EIF2S2: variants seen among roughly 807,000 people sequenced by gnomAD.
EIF2S2 encodes eukaryotic translation initiation factor 2 subunit beta.
A neutral mutation model predicts 44.0 loss-of-function variants in EIF2S2; 4 were observed. That is an observed-to-expected ratio of 0.09 (90% CI 0.04 to 0.21). The LOEUF is 0.21. Among genes scored for constraint, EIF2S2 ranks in the 10% least tolerant of loss-of-function variants. EIF2S2 has a pLI of 1.00. For synonymous variants in EIF2S2, 108 were observed against 128.3 expected (o/e 0.84, Z 1.07); for missense variants, 154 against 392.0 (o/e 0.39, Z 5.13).
Position 34,098,590 on chromosome 20 carries a change from T to A in EIF2S2, c.341A>T (p.Glu114Val), listed in dbSNP as rs1374859200. 1.2e-6 allele frequency: 2 copies of A among 1,614,048 alleles called. No individual in the cohort carries two copies. Among genetic ancestry groups the A allele is most frequent in the Non-Finnish European group, 1.7e-6 (2 of 1,180,010 alleles). Reference sequence around the variant, plus strand: ...GCCAAGCATAATGTCAAGGTCATCCTCTGGTTCAGTTGGTTCTTGAACATC... The same window carrying A: ...GCCAAGCATAATGTCAAGGTCATCCACTGGTTCAGTTGGTTCTTGAACATC... ...ESDVQEPTEP[E>V]DDLDIMLGNK... The change falls in exon 4 of 9, where the codon GAG becomes GTG. Residue 114 changes from glutamate (E) to valine (V), a missense_variant. Physicochemically the swap from Glu to Val is moderately radical, Grantham distance 121. This residue lies in a region of EIF2S2 where 134 missense variants were observed against 225.0 expected (regional missense o/e 0.60). Coordinates refer to ENST00000374980, the MANE Select transcript of EIF2S2 (RefSeq NM_003908.5).
chr20:34,107,402 C>T (rs1171701004), intron 1 of EIF2S2, among the ~76,000 whole-genome samples: 3 of 152,122 alleles, frequency 2.0e-5, no homozygotes, highest in Non-Finnish European at 4.4e-5. Context: ...CTGACTCTGG[C>T]TTGTACCTGT....
At chr20:34,092,537 G>A (rs551255221) in intron 7 of EIF2S2, among the ~76,000 whole-genome samples, 8 of 152,192 alleles carry the variant, frequency 5.3e-5, no homozygotes, top group East Asian at 1.9e-4. Flanking sequence ...GCGTGGTGGC[G>A]GGCGCCTGTA....
intron 2 of EIF2S2, 104 bp downstream of exon 2, chr20:34,105,264 A>C (rs1246833423): frequency 8.0e-7 from 1 of 1,254,590 alleles, no homozygotes; most frequent in African/African-American, 1.5e-5. Flanking sequence ...ACTTCACTGG[A>C]ACAGCCTTGT....
At chr20:34,095,244 T>A (rs531706670) in intron 6 of EIF2S2, among the ~76,000 whole-genome samples, 1 of 152,280 alleles carries the variant, frequency 6.6e-6, no homozygotes, top group East Asian at 1.9e-4. Flanking sequence ...TAGCAATTTA[T>A]TTTTAAAATA....
In EIF2S2 at chr20:34,109,550, C is replaced by T. The variant is rs188905163; in HGVS notation, c.15+2546G>A. ...GAGCATGCACGTGTAGTCCCAGCTACTTGCGAGGCTGAGGCAGGAGGATCC... is the reference window on the plus strand; with the variant it reads ...GAGCATGCACGTGTAGTCCCAGCTATTTGCGAGGCTGAGGCAGGAGGATCC... On this transcript the variant is annotated intron_variant, in intron 1 of 8. Coordinates refer to ENST00000374980, the MANE Select transcript of EIF2S2 (RefSeq NM_003908.5). Among the ~76,000 whole-genome samples, 388 of 152,116 alleles carry T rather than the reference C, an allele frequency of 2.6e-3. 2 individuals carry two copies. The highest frequency in any genetic ancestry group is 8.6e-3 in the African/African-American group (355 of 41,502).
intron 2 of EIF2S2, among the ~76,000 whole-genome samples, chr20:34,104,008 C>G (rs2034322559): frequency 6.6e-6 from 1 of 152,170 alleles, no homozygotes; most frequent in African/African-American, 2.4e-5. Flanking sequence ...CGCGCCCGGC[C>G]ACAAAAGTTA....
chr20:34,098,775 G>T, intron 3 of EIF2S2, 142 bp from the exon 4 acceptor site: 2 of 979,596 alleles, frequency 2.0e-6, no homozygotes, highest in African/African-American at 1.6e-5. Context: ...AGATCCTCCC[G>T]CCCTGGCCTC....
Position 34,088,935 on chromosome 20 carries a change from G to A in EIF2S2, c.*795C>T, listed in dbSNP as rs1360156193. On this transcript the variant is annotated 3_prime_UTR_variant, in exon 9 of 9. Transcript: ENST00000374980. ...CCTGTTTGGACTCCTCCTCCTCTTG[G>A]AGGAGTTTCCTGAACCGCACACACA... The A allele has an allele frequency of 6.6e-6, 1 of 152,534 alleles. No homozygotes were observed. Among genetic ancestry groups the A allele is most frequent in the Non-Finnish European group, 1.5e-5 (1 of 68,040 alleles). The allele number at this position is 152,534 out of a possible 1,614,324, so 9.4% of individuals were successfully genotyped here.
intron 1 of EIF2S2, among the ~76,000 whole-genome samples, 165 bp from the exon 2 acceptor site, chr20:34,105,710 CCTT>C (rs2034342118): frequency 6.6e-6 from 1 of 152,170 alleles, no homozygotes; most frequent in Non-Finnish European, 1.5e-5. Flanking sequence ...GTCCACCCAA[CCTT>C]CTTGTTACTA....
At chr20:34,093,835 A>G (rs2122396726) in intron 6 of EIF2S2, 104 bp from the exon 7 acceptor site, 3 of 1,016,992 alleles carry the variant, frequency 2.9e-6, no homozygotes. Flanking sequence ...TTAGCTATTA[A>G]GTGAATTTCA....
chr20:34,103,594 A>T, intron 2 of EIF2S2, 29 bp from the exon 3 acceptor site: 1 of 1,519,412 alleles, frequency 6.6e-7, no homozygotes, highest in Non-Finnish European at 8.8e-7. Context: ...AATTATTAAC[A>T]ACTAAAAGGC....
In EIF2S2 at chr20:34,088,505, G is replaced by C. The variant is rs997074033; in HGVS notation, c.*1225C>G. On this transcript the variant is annotated 3_prime_UTR_variant, in exon 9 of 9. Coordinates refer to ENST00000374980, the MANE Select transcript of EIF2S2 (RefSeq NM_003908.5). ...TTACCCATCACCCTCCACTGTTTTA[G>C]CCAAGGTGTTTGACAACACTTGGCC... The C allele has an allele frequency of 6.6e-6, 1 of 152,652 alleles. No individual in the cohort carries two copies. Among genetic ancestry groups the C allele is most frequent in the Non-Finnish European group, 1.5e-5 (1 of 68,054 alleles). 9.5% of individuals were successfully genotyped at this position (152,652 alleles called of 1,614,324 possible). A position where few individuals can be genotyped will look rare whatever the true frequency, so the allele number is the denominator to read the frequency against.
rs774294804 is a variant in EIF2S2 at position 34,105,317 on chromosome 20, T to A, written c.193+51A>T. On this transcript the variant is annotated intron_variant, in intron 2 of 8. Coordinates refer to ENST00000374980, the MANE Select transcript of EIF2S2 (RefSeq NM_003908.5). ...GCATATCCAAAAGCCAAAACGCTCATAGAACCAGGGCTTCTATGACAACAG... is the reference window on the plus strand; with the variant it reads ...GCATATCCAAAAGCCAAAACGCTCAAAGAACCAGGGCTTCTATGACAACAG... 3.2e-6 allele frequency: 5 copies of A among 1,581,234 alleles called. No individual in the cohort carries two copies. In the Admixed American group the frequency reaches 7.7e-5, roughly 24 times the overall value.
At chr20:34,101,675 CTTTTTT>C (rs891453441) in intron 3 of EIF2S2, among the ~76,000 whole-genome samples, 1 of 132,424 alleles carries the variant, frequency 7.6e-6, no homozygotes, top group African/African-American at 2.8e-5. Context: ...AAGTATTTTT[CTTTTTT>C]TTTTTTTTTT....
At position 34,089,847 on chromosome 20, in the gene EIF2S2, T is replaced by C. The variant is rs368111155; in HGVS notation, c.885A>G (p.Thr295=). 1.2e-6 allele frequency: 2 copies of C among 1,613,958 alleles called. No homozygotes were observed. Among genetic ancestry groups the C allele is most frequent in the Non-Finnish European group, 8.5e-7 (1 of 1,179,866 alleles). Residue 295 remains threonine (T), a synonymous_variant, in exon 9 of 9, where the codon ACA becomes ACG. Coordinates refer to ENST00000374980, the MANE Select transcript of EIF2S2 (RefSeq NM_003908.5). ...RSPDTILQKD[T]RLYFLQCETC... ...TTTCGCACTGTAGGAAATAGAGTCG[T>C]GTGTCCTTCTGCAGGATTGTGTCCG...
chr20:34,093,663 A>G lies in EIF2S2; in HGVS notation c.740+12T>C. ...CCAGCAGTACTGTATGTAAATGTAT[A>G]CAGTTTCTTACCTTGTACCCAATTC... On this transcript the variant is annotated intron_variant, in intron 7 of 8. Coordinates refer to ENST00000374980, the MANE Select transcript of EIF2S2 (RefSeq NM_003908.5). 1 of 1,603,138 alleles carries G rather than the reference A, an allele frequency of 6.2e-7. No homozygotes were observed. Among genetic ancestry groups the G allele is most frequent in the South Asian group, 1.1e-5 (1 of 89,430 alleles).
chr20:34,097,988 G>C (rs1365850660), intron 4 of EIF2S2, among the ~76,000 whole-genome samples: 1 of 152,154 alleles, frequency 6.6e-6, no homozygotes, highest in African/African-American at 2.4e-5. Flanking sequence ...GCTCACACCT[G>C]TAATCCCAGC....
rs1341623971 is a variant in EIF2S2, at chr20:34,088,677, G to A, written c.*1053C>T. On this transcript the variant is annotated 3_prime_UTR_variant, in exon 9 of 9. Transcript: ENST00000374980. ...CCTTATCCTCAGCAAGTGAGAACAA[G>A]GCAGATCACAGCACCGACACAGAAG... 1.3e-5 allele frequency: 2 copies of A among 152,612 alleles called. No homozygotes were observed. The allele number at this position is 152,612 out of a possible 1,614,324, so 9.5% of individuals were successfully genotyped here. A position where few individuals can be genotyped will look rare whatever the true frequency, so the allele number is the denominator to read the frequency against.
rs1370016747 is a variant in EIF2S2, at chr20:34,090,622, T to C, written c.741-20A>G. On this transcript the variant is annotated intron_variant, in intron 7 of 8. Transcript: ENST00000374980. Reference sequence around the variant, plus strand: ...GAACCACTATGAAAGAAAACAAAAATATCTCCATTATTATTGTTTTTTCCT... The same window carrying C: ...GAACCACTATGAAAGAAAACAAAAACATCTCCATTATTATTGTTTTTTCCT... 16 of 1,393,934 alleles carry C rather than the reference T, an allele frequency of 1.1e-5. No individual in the cohort carries two copies. Among genetic ancestry groups the C allele is most frequent in the Admixed American group, 2.5e-5 (1 of 40,084 alleles). The allele number at this position is 1,393,934 out of a possible 1,614,324, so 86.3% of individuals were successfully genotyped here.
Sources: gnomAD v4.1 joint callset for allele counts (sites outside exome capture counted in the v4.1 genomes callset) on GRCh38, gnomAD v4.1.1 for gene constraint, gnomAD v4.1.1 regional missense constraint, MANE v1.5 for transcripts, NCBI Gene and HGNC (gene_info 2026-07-23, HGNC 2026-07-21) for gene names.